Variants in NTS observed in about 807,000 individuals in gnomAD.
The protein encoded by NTS is neurotensin/neuromedin N.
NTS carries 20 observed loss-of-function variants against 19.5 expected under a neutral mutation model. That is an observed-to-expected ratio of 1.02 (90% CI 0.72 to 1.49). The LOEUF is 1.49. Among genes scored for constraint, NTS ranks in the 40% most tolerant of loss-of-function variants. The probability of loss-of-function intolerance (pLI) is 0.00; values close to 1 mark genes in which losing one functional copy is unlikely to be tolerated. For missense variants in NTS, 215 were observed against 193.1 expected (o/e 1.11, Z -0.67); for synonymous variants, 71 against 63.3 (o/e 1.12, Z -0.58).
At chr12:85,879,703 T>C (rs1881454754) in intron 3 of NTS, among the ~76,000 whole-genome samples, 2 of 131,238 alleles carry the variant, frequency 1.5e-5, no homozygotes, top group Non-Finnish European at 3.1e-5. Context: ...GTATATTTTA[T>C]GTATATAAAA....
chr12:85,879,428 T>A (rs2136592631), intron 3 of NTS, among the ~76,000 whole-genome samples: 1 of 116,004 alleles, frequency 8.6e-6, no homozygotes, highest in South Asian at 2.4e-4. Context: ...TATGTATATT[T>A]TATGTATATA....
chr12:85,879,275 G>A lies in NTS; in HGVS notation c.360+706G>A, dbSNP rs1220481454. The stretch of plus-strand genomic sequence containing the variant: ...ATACATAATTTTATGTATATTTTAT[G>A]TATATACCATATATTTTATGTATAT... On this transcript the variant is annotated intron_variant, in intron 3 of 3. Coordinates refer to ENST00000256010, the MANE Select transcript of NTS (RefSeq NM_006183.5). Among the ~76,000 whole-genome samples the A allele has an allele frequency of 1.4e-3, 6 of 4,268 alleles. 3 individuals carry two copies. Among genetic ancestry groups the A allele is most frequent in the Non-Finnish European group, 3.9e-3 (6 of 1,534 alleles). 2.8% of individuals were successfully genotyped at this position (4,268 alleles called of 152,430 possible).
At position 85,882,437 on chromosome 12, in the gene NTS, T is replaced by C; in HGVS notation, c.*62T>C. 1.6e-6 allele frequency: 2 copies of C among 1,263,138 alleles called. No homozygotes were observed. Among genetic ancestry groups the C allele is most frequent in the South Asian group, 1.5e-5 (1 of 64,744 alleles). The allele number at this position is 1,263,138 out of a possible 1,614,324, so 78.2% of individuals were successfully genotyped here. A position where few individuals can be genotyped will look rare whatever the true frequency, so the allele number is the denominator to read the frequency against. ...ATCATCCCTTAATTAAATATCAAAT[T>C]ATATTTGTGTGAAAATGTGACAAAC... On this transcript the variant is annotated 3_prime_UTR_variant, in exon 4 of 4. Transcript: ENST00000256010.
intron 2 of NTS, 76 bp from the exon 3 acceptor site, chr12:85,878,269 T>TCGCCGTATCA: frequency 9.5e-7 from 1 of 1,052,874 alleles, no homozygotes; most frequent in South Asian, 1.6e-5. Flanking sequence ...AATGTGATGG[T>TCGCCGTATCA]TTAGCACACT....
At chr12:85,879,156 T>TA (rs1165331725) in intron 3 of NTS, among the ~76,000 whole-genome samples, 16 of 142,148 alleles carry the variant, frequency 1.1e-4, no homozygotes, top group African/African-American at 4.1e-4. Context: ...AAATATATTT[T>TA]TATGTATATT....
chr12:85,874,734 T>C (rs1414265455), intron 1 of NTS, among the ~76,000 whole-genome samples: 1 of 152,238 alleles, frequency 6.6e-6, no homozygotes, highest in South Asian at 2.1e-4. Flanking sequence ...ATTCAACAAC[T>C]AGAGGGAAAA....
At chr12:85,880,315 G>A (rs1881473484) in intron 3 of NTS, among the ~76,000 whole-genome samples, 1 of 151,988 alleles carries the variant, frequency 6.6e-6, no homozygotes, top group Non-Finnish European at 1.5e-5. Context: ...AGAGAAGGGG[G>A]AAGAAAAATA....
chr12:85,876,526 C>T (rs1487776360), intron 1 of NTS, 114 bp from the exon 2 acceptor site: 3 of 502,262 alleles, frequency 6.0e-6, no homozygotes, highest in Non-Finnish European at 6.8e-6. Context: ...TAAGAAAATA[C>T]ATAAGAAAGA....
Position 85,882,585 on chromosome 12 carries a change from G to A in NTS, c.*210G>A. 2.4e-6 allele frequency: 1 copy of A among 422,962 alleles called. No individual in the cohort carries two copies. The highest frequency in any genetic ancestry group is 4.2e-6 in the Non-Finnish European group (1 of 240,542). 26.2% of individuals were successfully genotyped at this position (422,962 alleles called of 1,614,324 possible). ...CAGCATGATGTGTTGTGTATAATTG[G>A]AGTAGATATTAATTAAGTCACCTGT... On this transcript the variant is annotated 3_prime_UTR_variant, in exon 4 of 4. Transcript: ENST00000256010.
In NTS at chr12:85,882,496, T is replaced by C. The variant is rs73184584; in HGVS notation, c.*121T>C. On this transcript the variant is annotated 3_prime_UTR_variant, in exon 4 of 4. Coordinates refer to ENST00000256010, the MANE Select transcript of NTS (RefSeq NM_006183.5). ...CTGTCTCTTCTACAATTGTGGTTTA[T>C]TGAATGTGATTTTTCTGCACTAATA... is the stretch of plus-strand genomic sequence containing the variant. 334 of 784,468 alleles carry C rather than the reference T, an allele frequency of 4.3e-4. No individual in the cohort carries two copies. Among genetic ancestry groups the C allele is most frequent in the Non-Finnish European group, 6.3e-4 (315 of 498,060 alleles). 48.6% of individuals were successfully genotyped at this position (784,468 alleles called of 1,614,324 possible). A position where few individuals can be genotyped will look rare whatever the true frequency, so the allele number is the denominator to read the frequency against.
intron 3 of NTS, among the ~76,000 whole-genome samples, chr12:85,881,071 A>G (rs976836560): frequency 6.6e-6 from 1 of 152,218 alleles, no homozygotes; most frequent in Non-Finnish European, 1.5e-5. Flanking sequence ...TATGTAGACC[A>G]ATCAAGTGCA....
chr12:85,878,276 C>T, intron 2 of NTS, 69 bp from the exon 3 acceptor site: 2 of 1,102,156 alleles, frequency 1.8e-6, no homozygotes, highest in Non-Finnish European at 2.6e-6. Flanking sequence ...TGGTTTAGCA[C>T]ACTAGGAATT....
At chr12:85,876,732 GA>G in intron 2 of NTS, 31 bp downstream of exon 2, 1 of 1,206,848 alleles carries the variant, frequency 8.3e-7, no homozygotes, top group East Asian at 2.4e-5. Flanking sequence ...ACCCTGAGTT[GA>G]AGAACATATG....
At chr12:85,878,816 CAT>C (rs959739746) in intron 3 of NTS, among the ~76,000 whole-genome samples, 4 of 151,878 alleles carry the variant, frequency 2.6e-5, no homozygotes, top group African/African-American at 2.4e-5. Flanking sequence ...ATTTGATCCA[CAT>C]GTTTTTATTA....
chr12:85,879,042 GTACATAAAAT>G (rs1881413701), intron 3 of NTS, among the ~76,000 whole-genome samples: 1 of 134,692 alleles, frequency 7.4e-6, no homozygotes, highest in African/African-American at 2.5e-5. Flanking sequence ...ATATTTTTAT[GTACATAAAAT>G]ATATTTTTAT....
In NTS at chr12:85,874,348, GC is replaced by G. The variant is rs150713744; in HGVS notation, c.-51del. 588 of 1,230,740 alleles carry G rather than the reference GC, an allele frequency of 4.8e-4. 4 individuals are homozygous for G. The African/African-American group carries it at 6.7e-3, about 14-fold the overall frequency. 76.2% of individuals were successfully genotyped at this position (1,230,740 alleles called of 1,614,324 possible). On this transcript the variant is annotated 5_prime_UTR_variant, in exon 1 of 4. Coordinates refer to ENST00000256010, the MANE Select transcript of NTS (RefSeq NM_006183.5). ...AAGGAAAGAGGAAGTGCTAGAGAGA[GC>G]CCCCTTCAGTGTGCTTCTGACTTTT...
chr12:85,875,164 A>G (rs1881312207), intron 1 of NTS, among the ~76,000 whole-genome samples: 2 of 152,154 alleles, frequency 1.3e-5, no homozygotes, highest in Non-Finnish European at 2.9e-5. Flanking sequence ...GATGGAAATT[A>G]TTTGACTTTA....
At chr12:85,879,052 T>C (rs1002177561) in intron 3 of NTS, among the ~76,000 whole-genome samples, 1 of 138,672 alleles carries the variant, frequency 7.2e-6, no homozygotes, top group South Asian at 2.2e-4. Flanking sequence ...GTACATAAAA[T>C]ATATTTTTAT....
Position 85,882,592 on chromosome 12 carries a change from TATTA to T in NTS, c.*223_*226del, listed in dbSNP as rs1881527136. Reference sequence around the variant, plus strand: ...ATGTGTTGTGTATAATTGGAGTAGATATTAATTAAGTCACCTGTATAATGTTTTG... The same window carrying T: ...ATGTGTTGTGTATAATTGGAGTAGATATTAAGTCACCTGTATAATGTTTTG... On this transcript the variant is annotated 3_prime_UTR_variant, in exon 4 of 4. Transcript: ENST00000256010. The T allele has an allele frequency of 9.8e-6, 4 of 410,044 alleles. No homozygotes were observed. The East Asian group carries it at 1.7e-4, about 18-fold the overall frequency. The allele number at this position is 410,044 out of a possible 1,614,324, so 25.4% of individuals were successfully genotyped here. A position where few individuals can be genotyped will look rare whatever the true frequency, so the allele number is the denominator to read the frequency against.
Sources: gnomAD v4.1 joint callset for allele counts (sites outside exome capture counted in the v4.1 genomes callset) on GRCh38, gnomAD v4.1.1 for gene constraint, MANE v1.5 for transcripts, NCBI Gene and HGNC (gene_info 2026-07-23, HGNC 2026-07-21) for gene names.